The following IQUB variants were observed in gnomAD, a reference collection of about 807,000 sequenced individuals.
The protein encoded by IQUB is IQ motif and ubiquitin domain containing, also known as IQ motif and ubiquitin-like domain-containing protein.
Under a neutral mutation model 86.4 loss-of-function variants are expected in IQUB, and 86 were observed. The ratio of observed to expected loss-of-function variants is 1.00; its 90% confidence interval spans 0.84 to 1.19. The LOEUF (loss-of-function observed/expected upper bound fraction) is 1.19. IQUB is among the 50% of genes most tolerant of loss of function. The pLI is 0.00. For synonymous variants in IQUB, 289 were observed against 304.5 expected (o/e 0.95, Z 0.53); for missense variants, 946 against 916.9 (o/e 1.03, Z -0.41).
Position 123,528,270 on chromosome 7 carries a change from C to T in IQUB, c.-5+6222G>A, listed in dbSNP as rs886169006. On this transcript the variant is annotated intron_variant, in intron 1 of 12. Transcript: ENST00000324698. ...CTCAGATGGAAATGCAGAAATCACC[C>T]GTCTTCTGCGTCGCTCACGCTGGGA... 1.1e-4 allele frequency among the ~76,000 whole-genome samples: 16 copies of T among 152,302 alleles called. No individual in the cohort carries two copies. The East Asian group carries it at 2.7e-3, about 26-fold the overall frequency.
Position 123,463,581 on chromosome 7 carries a change from A to AAAC in IQUB, c.1758+1249_1758+1251dup, listed in dbSNP as rs547427898. Among the ~76,000 whole-genome samples, 649 of 151,900 alleles carry AAAC rather than the reference A, an allele frequency of 4.3e-3. 2 individuals carry two copies. The highest frequency in any genetic ancestry group is 0.015 in the South Asian group (71 of 4,832). On this transcript the variant is annotated intron_variant, in intron 10 of 12. Coordinates refer to ENST00000324698, the MANE Select transcript of IQUB (RefSeq NM_178827.5). ...TTTATATGACCTTCTGAAATAGATA[A>AAAC]AACTATAAAAATAAAACACATATCA...
At chr7:123,488,349 GAAAA>G (rs536092384) in intron 7 of IQUB, among the ~76,000 whole-genome samples, 1 of 98,002 alleles carries the variant, frequency 1.0e-5, no homozygotes, top group Admixed American at 1.0e-4. Flanking sequence ...TCAAAAAAAA[GAAAA>G]AAAAAAAAAA....
intron 7 of IQUB, among the ~76,000 whole-genome samples, chr7:123,486,100 G>A (rs1255082781): frequency 6.6e-6 from 1 of 152,140 alleles, no homozygotes; most frequent in Non-Finnish European, 1.5e-5. Context: ...GGACATGATT[G>A]TGTAGGTGAA....
intron 1 of IQUB, among the ~76,000 whole-genome samples, chr7:123,520,147 G>C (rs1796837282): frequency 6.6e-6 from 1 of 152,018 alleles, no homozygotes; most frequent in African/African-American, 2.4e-5. Context: ...GTGATTATTT[G>C]ATACATATCT....
intron 8 of IQUB, among the ~76,000 whole-genome samples, chr7:123,478,373 G>A (rs1177516724): frequency 2.0e-5 from 3 of 152,134 alleles, no homozygotes; most frequent in South Asian, 4.1e-4. Context: ...AGTGAACAAT[G>A]AGAACACTTG....
At position 123,530,463 on chromosome 7, in the gene IQUB, A is replaced by G. The variant is rs1396332187; in HGVS notation, c.-5+4029T>C. On this transcript the variant is annotated intron_variant, in intron 1 of 12. Coordinates refer to ENST00000324698, the MANE Select transcript of IQUB (RefSeq NM_178827.5). Reference sequence around the variant, plus strand: ...ACAAAAAACCAAAAACAAAACAACAACAAACAACAACAACAACACCAAAAA... The same window carrying G: ...ACAAAAAACCAAAAACAAAACAACAGCAAACAACAACAACAACACCAAAAA... 2.6e-5 allele frequency among the ~76,000 whole-genome samples: 4 copies of G among 152,022 alleles called. No individual in the cohort carries two copies. The East Asian group carries it at 7.7e-4, about 29-fold the overall frequency.
At chr7:123,514,278 C>G (rs943723450) in intron 1 of IQUB, among the ~76,000 whole-genome samples, 16 of 151,890 alleles carry the variant, frequency 1.1e-4, no homozygotes, top group African/African-American at 3.9e-4. Flanking sequence ...AACTATCAAC[C>G]TAGAATTGTG....
chr7:123,470,797 G>A (rs1289752128), intron 8 of IQUB, among the ~76,000 whole-genome samples: 1 of 151,506 alleles, frequency 6.6e-6, no homozygotes, highest in Non-Finnish European at 1.5e-5. Context: ...CTTGCAGTGA[G>A]CCGAGATCGC....
intron 8 of IQUB, among the ~76,000 whole-genome samples, chr7:123,478,279 G>C (rs1197966366): frequency 6.6e-6 from 1 of 152,042 alleles, no homozygotes; most frequent in African/African-American, 2.4e-5. Context: ...TCCTTTGCAG[G>C]GATGAAGCTG....
At chr7:123,460,129 T>C (rs1006909569) in intron 11 of IQUB, among the ~76,000 whole-genome samples, 1 of 151,940 alleles carries the variant, frequency 6.6e-6, no homozygotes, top group African/African-American at 2.4e-5. Context: ...TCAATCCTGG[T>C]GCTGGTACTT....
chr7:123,532,720 G>C (rs1367158556), intron 1 of IQUB: 1 of 152,146 alleles, frequency 6.6e-6, no homozygotes, highest in African/African-American at 2.4e-5. Flanking sequence ...CTCCGCCCAA[G>C]GGGTCCGGCT....
intron 12 of IQUB, among the ~76,000 whole-genome samples, chr7:123,454,394 G>A (rs1172802277): frequency 6.6e-6 from 1 of 151,860 alleles, no homozygotes; most frequent in African/African-American, 2.4e-5. Flanking sequence ...TATTTATATT[G>A]TTAAGTAAAG....
At chr7:123,484,463 CTATT>C (rs1795135969) in intron 7 of IQUB, among the ~76,000 whole-genome samples, 1 of 147,772 alleles carries the variant, frequency 6.8e-6, no homozygotes, top group Non-Finnish European at 1.5e-5. Flanking sequence ...ATAACTGAGA[CTATT>C]TATCTGATAC....
At chr7:123,487,541 T>C (rs776441056) in intron 7 of IQUB, among the ~76,000 whole-genome samples, 42 of 152,340 alleles carry the variant, frequency 2.8e-4, no homozygotes, top group Non-Finnish European at 5.0e-4. Context: ...AAATCATATG[T>C]AGTAACTAAT....
chr7:123,529,731 A>AAAAAAC (rs1204110538), intron 1 of IQUB, among the ~76,000 whole-genome samples: 5 of 142,026 alleles, frequency 3.5e-5, no homozygotes, highest in Non-Finnish European at 7.8e-5. Flanking sequence ...ACTTAAAAAA[A>AAAAAAC]AAAAAAAAAA....
chr7:123,530,245 G>A (rs1389119074), intron 1 of IQUB, among the ~76,000 whole-genome samples: 2 of 151,074 alleles, frequency 1.3e-5, no homozygotes, highest in African/African-American at 4.9e-5. Context: ...AGACCATCCC[G>A]GCCAACATGG....
At chr7:123,510,612 GAGA>G (rs1053263958) in intron 2 of IQUB, among the ~76,000 whole-genome samples, 4 of 152,054 alleles carry the variant, frequency 2.6e-5, no homozygotes, top group Non-Finnish European at 5.9e-5. Context: ...AATTTTAATG[GAGA>G]AGATGTAAGA....
intron 6 of IQUB, chr7:123,500,975 TCTCTTA>T (rs1355956034): frequency 6.6e-6 from 1 of 152,220 alleles, no homozygotes; most frequent in Non-Finnish European, 1.5e-5. Flanking sequence ...TGCCCTACTT[TCTCTTA>T]CTAAGATTGC....
chr7:123,513,897 C>T (rs908359433), intron 1 of IQUB, among the ~76,000 whole-genome samples: 2 of 152,154 alleles, frequency 1.3e-5, no homozygotes, highest in African/African-American at 2.4e-5. Context: ...GATTCATCTG[C>T]CTCAGCCTCC....
Sources: gnomAD v4.1 joint callset for allele counts (sites outside exome capture counted in the v4.1 genomes callset) on GRCh38, gnomAD v4.1.1 for gene constraint, MANE v1.5 for transcripts, NCBI Gene and HGNC (gene_info 2026-07-23, HGNC 2026-07-21) for gene names.